ZFPM2: variants seen among roughly 807,000 people sequenced by gnomAD.
ZFPM2 encodes zinc finger protein, FOG family member 2, also known as zinc finger protein ZFPM2.
A neutral mutation model predicts 98.6 loss-of-function variants in ZFPM2; 20 were observed. The observed-to-expected ratio is 0.20, with a 90% CI of 0.14 to 0.29. The LOEUF (loss-of-function observed/expected upper bound fraction) is 0.29, where lower values mean the gene tolerates loss of function less well. ZFPM2 is among the 10% of genes least tolerant of loss of function. The pLI is 1.00. For missense variants in ZFPM2, 1,310 were observed against 1,388.6 expected (o/e 0.94, Z 0.90); for synonymous variants, 518 against 502.7 (o/e 1.03, Z -0.41).
chr8:105,703,328 A>T (rs1344989957), intron 5 of ZFPM2, among the ~76,000 whole-genome samples: 1 of 152,166 alleles, frequency 6.6e-6, no homozygotes, highest in Non-Finnish European at 1.5e-5. Context: ...TACTGAGGTA[A>T]ATAGAAAAAC....
chr8:105,607,418 C>G (rs894025789), intron 4 of ZFPM2, among the ~76,000 whole-genome samples: 1 of 152,048 alleles, frequency 6.6e-6, no homozygotes, highest in Non-Finnish European at 1.5e-5. Flanking sequence ...CTTGCTATCT[C>G]CGATGAACAC....
intron 5 of ZFPM2, among the ~76,000 whole-genome samples, chr8:105,740,010 A>AATT (rs1300630862): frequency 1.3e-5 from 2 of 152,004 alleles, no homozygotes; most frequent in Admixed American, 6.6e-5. Context: ...GCTCCTTAAT[A>AATT]CTGTGACAGT....
intron 5 of ZFPM2, among the ~76,000 whole-genome samples, chr8:105,733,211 C>T (rs2131017940): frequency 6.6e-6 from 1 of 151,922 alleles, no homozygotes; most frequent in East Asian, 2.0e-4. Context: ...CCTGGGAAGC[C>T]CCTGCAAACT....
intron 4 of ZFPM2, among the ~76,000 whole-genome samples, chr8:105,601,517 C>G (rs1381451854): frequency 6.6e-6 from 1 of 152,040 alleles, no homozygotes; most frequent in Non-Finnish European, 1.5e-5. Context: ...GCTCTTATAC[C>G]CCTGCCCTTC....
intron 1 of ZFPM2, among the ~76,000 whole-genome samples, chr8:105,355,938 A>G (rs1235303829): frequency 2.0e-5 from 3 of 152,248 alleles, no homozygotes; most frequent in Admixed American, 2.0e-4. Context: ...TGCTTCTTGT[A>G]CTGAAAGTAT....
intron 3 of ZFPM2, among the ~76,000 whole-genome samples, chr8:105,547,582 T>TGTTTAAAGAAA (rs1334950237): frequency 2.0e-5 from 3 of 147,034 alleles, no homozygotes; most frequent in African/African-American, 7.5e-5. Context: ...AATCAGAGTG[T>TGTTTAAAGAAA]GTTTAAAGAA....
At chr8:105,645,873 A>G (rs1192566736) in intron 5 of ZFPM2, among the ~76,000 whole-genome samples, 1 of 151,956 alleles carries the variant, frequency 6.6e-6, no homozygotes, top group Non-Finnish European at 1.5e-5. Context: ...CCAACATGGT[A>G]AAACCCTATC....
chr8:105,596,195 C>G (rs1467325310), intron 4 of ZFPM2, among the ~76,000 whole-genome samples: 1 of 151,968 alleles, frequency 6.6e-6, no homozygotes, highest in African/African-American at 2.4e-5. Context: ...GTTTGGCTCT[C>G]TGATCTCTTC....
intron 6 of ZFPM2, among the ~76,000 whole-genome samples, chr8:105,791,159 G>C (rs1209750046): frequency 4.6e-5 from 7 of 152,108 alleles, no homozygotes; most frequent in Non-Finnish European, 7.4e-5. Context: ...GGGCATCCCT[G>C]TCTTGTGCCA....
chr8:105,518,564 T>C (rs1331905315), intron 3 of ZFPM2, among the ~76,000 whole-genome samples: 1 of 152,198 alleles, frequency 6.6e-6, no homozygotes, highest in Non-Finnish European at 1.5e-5. Context: ...ATCATGCAGA[T>C]TCCTTTGTGT....
At chr8:105,626,005 G>A (rs1816647266) in intron 4 of ZFPM2, among the ~76,000 whole-genome samples, 1 of 151,396 alleles carries the variant, frequency 6.6e-6, no homozygotes, top group East Asian at 1.9e-4. Flanking sequence ...AAAGAGGGAG[G>A]GAGGGAAGGA....
At chr8:105,323,971 T>C (rs1812073004) in intron 1 of ZFPM2, among the ~76,000 whole-genome samples, 2 of 151,834 alleles carry the variant, frequency 1.3e-5, no homozygotes, top group Admixed American at 6.6e-5. Context: ...TTATATATCT[T>C]AGTATTTCTT....
intron 1 of ZFPM2, among the ~76,000 whole-genome samples, chr8:105,330,624 A>ACG (rs1175315069): frequency 1.1e-4 from 11 of 99,096 alleles, no homozygotes; most frequent in African/African-American, 3.4e-4. Context: ...ATATATATAT[A>ACG]TATATATACA....
chr8:105,333,877 A>C (rs1812278042), intron 1 of ZFPM2, among the ~76,000 whole-genome samples: 1 of 151,744 alleles, frequency 6.6e-6, no homozygotes, highest in Non-Finnish European at 1.5e-5. Flanking sequence ...TTTTCATAAA[A>C]ATTTTTGAAA....
intron 3 of ZFPM2, among the ~76,000 whole-genome samples, chr8:105,486,431 A>AT (rs527708237): frequency 4.0e-5 from 6 of 150,868 alleles, no homozygotes; most frequent in Middle Eastern, 3.5e-3. Context: ...GAGTCCATAC[A>AT]TTTTTTTTTC....
intron 5 of ZFPM2, among the ~76,000 whole-genome samples, chr8:105,756,811 A>G (rs559564615): frequency 3.3e-5 from 5 of 152,138 alleles, no homozygotes; most frequent in African/African-American, 7.2e-5. Flanking sequence ...GCAAAAAGAG[A>G]TGTATTCTGT....
At chr8:105,789,718 C>T (rs1813539926) in intron 6 of ZFPM2, among the ~76,000 whole-genome samples, 1 of 152,188 alleles carries the variant, frequency 6.6e-6, no homozygotes, top group African/African-American at 2.4e-5. Flanking sequence ...AAAAGTGTTC[C>T]TATTTCTCCA....
intron 5 of ZFPM2, among the ~76,000 whole-genome samples, chr8:105,722,499 A>G (rs1167580342): frequency 6.6e-6 from 1 of 151,938 alleles, no homozygotes; most frequent in Non-Finnish European, 1.5e-5. Context: ...CTATTGACCA[A>G]AAACCTGACC....
At chr8:105,699,528 A>G (rs1811094458) in intron 5 of ZFPM2, among the ~76,000 whole-genome samples, 1 of 152,118 alleles carries the variant, frequency 6.6e-6, no homozygotes, top group East Asian at 1.9e-4. Flanking sequence ...TTTCTTAATG[A>G]TATAGTTCTT....
Sources: allele counts gnomAD v4.1 joint callset (sites outside exome capture counted in the v4.1 genomes callset), GRCh38; gene constraint gnomAD v4.1.1; transcripts MANE v1.5; gene names NCBI Gene and HGNC (gene_info 2026-07-23, HGNC 2026-07-21).